Variants in SIMC1 observed in about 807,000 individuals in gnomAD.
SIMC1 encodes SUMO-interacting motif-containing protein 1.
Under a neutral mutation model 82.3 loss-of-function variants are expected in SIMC1, and 55 were observed. The observed-to-expected ratio is 0.67, with a 90% CI of 0.54 to 0.84. The LOEUF is 0.84. Ranked by LOEUF, SIMC1 falls within the 40% of genes least tolerant of loss-of-function variation. The probability of loss-of-function intolerance (pLI) is 0.00; values close to 1 mark genes in which losing one functional copy is unlikely to be tolerated. For synonymous variants in SIMC1, 353 were observed against 426.3 expected, an observed-to-expected ratio of 0.83 and a Z score of 2.12; for missense variants, 915 against 1,107.2, an observed-to-expected ratio of 0.83 and a Z score of 2.46.
intron 1 of SIMC1, among the ~76,000 whole-genome samples, chr5:176,260,428 A>G (rs938932280): frequency 3.3e-5 from 5 of 152,122 alleles, no homozygotes; most frequent in African/African-American, 1.2e-4. Context: ...TGTGTGACCA[A>G]ATACCACCTG....
In SIMC1 at chr5:176,337,152, G is replaced by C. The variant is rs1316317330; in HGVS notation, c.2413+6G>C. ...TTATCAACATGTTTTAAGAGGTAAG[G>C]AGCATTTGTTCACAAGTGGAGTAGT... On this transcript the variant is annotated splice_donor_region_variant and intron_variant, in intron 9 of 9. Transcript: ENST00000429602. 4 of 1,613,060 alleles carry C rather than the reference G, an allele frequency of 2.5e-6. No homozygotes were observed. The African/African-American group carries it at 5.3e-5, about 22-fold the overall frequency.
chr5:176,329,757 C>T (rs911301359), intron 7 of SIMC1, among the ~76,000 whole-genome samples: 4 of 151,968 alleles, frequency 2.6e-5, no homozygotes, highest in African/African-American at 9.7e-5. Flanking sequence ...TATGTGTATT[C>T]TAGGATTAAA....
At chr5:176,306,161 TGGGGGCG>T in intron 4 of SIMC1, among the ~76,000 whole-genome samples, 5 of 42,212 alleles carry the variant, frequency 1.2e-4, no homozygotes, top group Non-Finnish European at 1.4e-4. Flanking sequence ...GGGAGGGAGG[TGGGGGCG>T]TCAGCCCCCT....
rs187926672 is a variant in SIMC1 at position 176,339,627 on chromosome 5, A to G, written c.2413+2481A>G. Among the ~76,000 whole-genome samples, 190 of 152,300 alleles carry G rather than the reference A, an allele frequency of 1.2e-3. 1 individual carries two copies. Among genetic ancestry groups the G allele is most frequent in the Admixed American group, 2.8e-3 (43 of 15,290 alleles). On this transcript the variant is annotated intron_variant, in intron 9 of 9. Transcript: ENST00000429602. ...TTGATTCCCGGGGAATACACCTATC[A>G]TGGGCAATAATGACTTAAGGTGGAA...
chr5:176,271,882 T>G (rs1762442260), intron 1 of SIMC1, among the ~76,000 whole-genome samples: 1 of 140,484 alleles, frequency 7.1e-6, no homozygotes, highest in African/African-American at 2.8e-5. Flanking sequence ...ATATAATTAT[T>G]ATATATATAA....
intron 1 of SIMC1, among the ~76,000 whole-genome samples, chr5:176,265,582 C>G (rs574061225): frequency 1.3e-5 from 2 of 152,166 alleles, no homozygotes; most frequent in Admixed American, 6.6e-5. Flanking sequence ...CTCACAATGT[C>G]TGAAAATAGG....
chr5:176,298,597 C>G (rs556219191), intron 4 of SIMC1, among the ~76,000 whole-genome samples: 1 of 152,148 alleles, frequency 6.6e-6, no homozygotes, highest in Non-Finnish European at 1.5e-5. Context: ...TGCACTCCAG[C>G]TTGGGCAACA....
chr5:176,287,982 T>C (rs1263298196), intron 1 of SIMC1, among the ~76,000 whole-genome samples: 1 of 152,160 alleles, frequency 6.6e-6, no homozygotes, highest in Non-Finnish European at 1.5e-5. Flanking sequence ...AAGGATCACT[T>C]CTGTGGTGTC....
Position 176,345,487 on chromosome 5 carries a change from C to CTT in SIMC1, c.*43_*44insTT. On this transcript the variant is annotated 3_prime_UTR_variant, in exon 10 of 10. Coordinates refer to ENST00000429602, the MANE Select transcript of SIMC1 (RefSeq NM_001308195.2). ...GAATGCCAAGAATACCTCCTGAACT[C>CTT]TCTCTCCAACTGCTCAGAAGCTCTA... The CTT allele has an allele frequency of 6.4e-7, 1 of 1,565,400 alleles. No individual in the cohort carries two copies. The highest frequency in any genetic ancestry group is 8.6e-7 in the Non-Finnish European group (1 of 1,157,000).
chr5:176,259,974 T>G (rs988929274), intron 1 of SIMC1, among the ~76,000 whole-genome samples: 1 of 149,660 alleles, frequency 6.7e-6, no homozygotes, highest in Non-Finnish European at 1.5e-5. Context: ...TAATATATTA[T>G]AGGCATTAAA....
intron 7 of SIMC1, among the ~76,000 whole-genome samples, chr5:176,328,989 C>G (rs1765510784): frequency 6.6e-6 from 1 of 152,078 alleles, no homozygotes; most frequent in South Asian, 2.1e-4. Context: ...AGTGTATATC[C>G]TTTACACTGT....
chr5:176,296,637 C>T (rs184719189), intron 4 of SIMC1: 1 of 303,476 alleles, frequency 3.3e-6, no homozygotes, highest in Admixed American at 4.6e-5. Context: ...ACATTGTACT[C>T]CAGCCTGGGT....
chr5:176,293,408 G>A (rs1296341346), intron 2 of SIMC1, among the ~76,000 whole-genome samples: 14 of 151,220 alleles, frequency 9.3e-5, no homozygotes, highest in Non-Finnish European at 1.5e-4. Flanking sequence ...GTGCTCCAGC[G>A]TGGGCGACAC....
chr5:176,291,826 G>A (rs1470621258), intron 2 of SIMC1, among the ~76,000 whole-genome samples: 2 of 152,192 alleles, frequency 1.3e-5, no homozygotes, highest in East Asian at 3.9e-4. Context: ...TAAAATGGAA[G>A]TAATAACATA....
chr5:176,283,440 G>A (rs1338537935), intron 1 of SIMC1, among the ~76,000 whole-genome samples: 2 of 152,150 alleles, frequency 1.3e-5, no homozygotes, highest in East Asian at 1.9e-4. Context: ...CATAAGCGAA[G>A]GAGAAATAAA....
At chr5:176,294,762 A>G (rs1211255565) in intron 2 of SIMC1, among the ~76,000 whole-genome samples, 1 of 151,632 alleles carries the variant, frequency 6.6e-6, no homozygotes, top group Non-Finnish European at 1.5e-5. Context: ...GGAGATTGAG[A>G]CCATCCTGGC....
At chr5:176,300,749 C>T (rs1475836985) in intron 4 of SIMC1, among the ~76,000 whole-genome samples, 1 of 152,004 alleles carries the variant, frequency 6.6e-6, no homozygotes, top group Non-Finnish European at 1.5e-5. Flanking sequence ...TTACTAAAAT[C>T]TGAAATGAAA....
At chr5:176,338,072 A>G (rs1765981447) in intron 9 of SIMC1, among the ~76,000 whole-genome samples, 1 of 152,208 alleles carries the variant, frequency 6.6e-6, no homozygotes, top group Non-Finnish European at 1.5e-5. Flanking sequence ...TTCTTCCTGG[A>G]TGTGATTGAC....
chr5:176,333,609 T>G (rs1443024639), intron 7 of SIMC1, among the ~76,000 whole-genome samples: 3 of 152,100 alleles, frequency 2.0e-5, no homozygotes, highest in Non-Finnish European at 4.4e-5. Flanking sequence ...TTTGTATTTT[T>G]AGTAGAGACG....
Sources: gnomAD v4.1 joint callset for allele counts (sites outside exome capture counted in the v4.1 genomes callset) on GRCh38, gnomAD v4.1.1 for gene constraint, MANE v1.5 for transcripts, NCBI Gene and HGNC (gene_info 2026-07-23, HGNC 2026-07-21) for gene names.